The following RAPGEF4 variants were observed in gnomAD, a reference collection of about 807,000 sequenced individuals.
RAPGEF4 encodes the protein RAP guanine-nucleotide-exchange factor (GEF) 4.
RAPGEF4 carries 66 observed loss-of-function variants against 147.9 expected under a neutral mutation model. The observed-to-expected ratio is 0.45, with a 90% CI of 0.37 to 0.55. The LOEUF is 0.55. RAPGEF4 is among the 20% of genes least tolerant of loss of function. The probability of loss-of-function intolerance (pLI) is 0.00; values close to 1 mark genes in which losing one functional copy is unlikely to be tolerated. For synonymous variants in RAPGEF4, 419 were observed against 442.7 expected, an observed-to-expected ratio of 0.95 and a Z score of 0.67; for missense variants, 1,071 against 1,257.3, an observed-to-expected ratio of 0.85 and a Z score of 2.24.
At position 173,051,968 on chromosome 2, in the gene RAPGEF4, A is replaced by G. The variant is rs1686291522; in HGVS notation, c.*201A>G. 4.4e-6 allele frequency: 2 copies of G among 450,998 alleles called. No homozygotes were observed. The highest frequency in any genetic ancestry group is 7.6e-6 in the Non-Finnish European group (2 of 261,752). 27.9% of individuals were successfully genotyped at this position (450,998 alleles called of 1,614,324 possible). ...TATTTGACATGCCTAAAGCTTACACACTCTAGCTTAGGAATCCCCAGTTTG... is the reference window on the plus strand; with the variant it reads ...TATTTGACATGCCTAAAGCTTACACGCTCTAGCTTAGGAATCCCCAGTTTG... On this transcript the variant is annotated 3_prime_UTR_variant, in exon 31 of 31. Transcript: ENST00000397081.
chr2:172,754,169 G>T (rs1695553369), intron 1 of RAPGEF4, among the ~76,000 whole-genome samples: 1 of 152,070 alleles, frequency 6.6e-6, no homozygotes, highest in African/African-American at 2.4e-5. Context: ...TTTTGTGTGG[G>T]TGTTTTTTAA....
chr2:172,932,793 C>T (rs1686128814), intron 6 of RAPGEF4, among the ~76,000 whole-genome samples: 1 of 152,328 alleles, frequency 6.6e-6, no homozygotes, highest in Admixed American at 6.5e-5. Context: ...GGATCACCCT[C>T]ATACTGAACA....
chr2:172,792,945 C>T (rs541293851), intron 1 of RAPGEF4, among the ~76,000 whole-genome samples: 1 of 152,180 alleles, frequency 6.6e-6, no homozygotes. Context: ...GCTGCTGGAA[C>T]AAGATACCAC....
chr2:172,890,958 C>T (rs1038253646), intron 4 of RAPGEF4, among the ~76,000 whole-genome samples: 3 of 152,090 alleles, frequency 2.0e-5, no homozygotes, highest in South Asian at 2.1e-4. Context: ...GGCGAAACCC[C>T]GTCTCTACTA....
At chr2:172,978,918 A>G (rs907031229) in intron 10 of RAPGEF4, among the ~76,000 whole-genome samples, 1 of 152,234 alleles carries the variant, frequency 6.6e-6, no homozygotes, top group East Asian at 1.9e-4. Flanking sequence ...AAATCTGGCT[A>G]AAATGAAGAG....
chr2:173,014,447 C>T lies in RAPGEF4; in HGVS notation c.1659-17C>T. On this transcript the variant is annotated splice_polypyrimidine_tract_variant and intron_variant, in intron 17 of 30. Coordinates refer to ENST00000397081, the MANE Select transcript of RAPGEF4 (RefSeq NM_007023.4). ...TGAGTGTGAAATGGCTCAATTTCTT[C>T]CTTGACTCCTCGGCACCTACCACGC... The T allele has an allele frequency of 6.2e-7, 1 of 1,613,266 alleles. No individual in the cohort carries two copies. The highest frequency in any genetic ancestry group is 8.5e-7 in the Non-Finnish European group (1 of 1,179,638).
At chr2:172,929,177 A>C (rs560373786) in intron 6 of RAPGEF4, among the ~76,000 whole-genome samples, 5 of 152,116 alleles carry the variant, frequency 3.3e-5, no homozygotes, top group Admixed American at 6.5e-5. Context: ...AATTATTTGC[A>C]AAATATGTCT....
At chr2:173,050,949 C>G (rs931207059) in intron 30 of RAPGEF4, among the ~76,000 whole-genome samples, 6 of 152,076 alleles carry the variant, frequency 3.9e-5, no homozygotes, top group Admixed American at 3.3e-4. Flanking sequence ...CAGCCCTGAT[C>G]TTCATTAAAT....
At chr2:172,965,794 G>T in intron 9 of RAPGEF4, 111 bp downstream of exon 9, 1 of 1,361,366 alleles carries the variant, frequency 7.3e-7, no homozygotes, top group Non-Finnish European at 1.0e-6. Context: ...GATCCCTTTA[G>T]GGACCTGCAG....
intron 17 of RAPGEF4, among the ~76,000 whole-genome samples, chr2:173,011,871 T>G (rs940717119): frequency 2.0e-5 from 3 of 150,346 alleles, no homozygotes; most frequent in Admixed American, 6.6e-5. Context: ...AAAAACCACA[T>G]TAGCACCTTA....
intron 29 of RAPGEF4, among the ~76,000 whole-genome samples, chr2:173,044,549 G>A (rs1551248): frequency 0.31 from 46,350 of 151,946 alleles, 7,465 homozygotes; most frequent in East Asian, 0.63. Flanking sequence ...TTCCCTCCTC[G>A]AGTGCATGTC....
At chr2:172,846,459 A>G (rs1023191506) in intron 4 of RAPGEF4, among the ~76,000 whole-genome samples, 2 of 152,212 alleles carry the variant, frequency 1.3e-5, no homozygotes, top group African/African-American at 4.8e-5. Flanking sequence ...TTGACTGGAT[A>G]TACCACATTT....
chr2:172,832,311 T>G (rs549640612), intron 4 of RAPGEF4, among the ~76,000 whole-genome samples: 26 of 152,258 alleles, frequency 1.7e-4, no homozygotes, highest in African/African-American at 5.5e-4. Flanking sequence ...AAACCTATTT[T>G]TAATATACAA....
intron 6 of RAPGEF4, among the ~76,000 whole-genome samples, chr2:172,934,586 G>A (rs1323787243): frequency 2.6e-5 from 4 of 152,180 alleles, no homozygotes; most frequent in African/African-American, 9.7e-5. Flanking sequence ...TAATGGGGGA[G>A]AGAGTTAGGT....
chr2:172,763,288 G>T (rs1345381969), intron 1 of RAPGEF4, among the ~76,000 whole-genome samples: 1 of 152,198 alleles, frequency 6.6e-6, no homozygotes, highest in South Asian at 2.1e-4. Flanking sequence ...TAAAGCCTTT[G>T]TGTGTTGCCT....
At chr2:172,898,226 T>C (rs1698718788) in intron 4 of RAPGEF4, among the ~76,000 whole-genome samples, 1 of 152,118 alleles carries the variant, frequency 6.6e-6, no homozygotes, top group South Asian at 2.1e-4. Flanking sequence ...GTAGAGATCA[T>C]GGTAGATATC....
chr2:172,738,936 TA>T (rs1338323640), intron 1 of RAPGEF4, among the ~76,000 whole-genome samples: 2 of 152,224 alleles, frequency 1.3e-5, no homozygotes, highest in Non-Finnish European at 2.9e-5. Flanking sequence ...AATAGAGCCT[TA>T]AAGTGTTTGT....
chr2:172,791,263 T>A (rs556057697), intron 1 of RAPGEF4, among the ~76,000 whole-genome samples: 2 of 151,854 alleles, frequency 1.3e-5, no homozygotes, highest in Non-Finnish European at 2.9e-5. Flanking sequence ...TAGCAGAGGG[T>A]GAGTCTACTC....
chr2:172,891,538 T>C (rs1697913981), intron 4 of RAPGEF4, among the ~76,000 whole-genome samples: 2 of 152,206 alleles, frequency 1.3e-5, no homozygotes, highest in African/African-American at 4.8e-5. Flanking sequence ...AAGGTTCATG[T>C]TGGAAAAGTG....
Sources: allele counts gnomAD v4.1 joint callset (sites outside exome capture counted in the v4.1 genomes callset), GRCh38; gene constraint gnomAD v4.1.1; transcripts MANE v1.5; gene names NCBI Gene and HGNC (gene_info 2026-07-23, HGNC 2026-07-21).